PRKN: variants seen among roughly 807,000 people sequenced by gnomAD.
PRKN encodes parkin RBR E3 ubiquitin protein ligase, also known as E3 ubiquitin-protein ligase parkin.
Under a neutral mutation model 59.5 loss-of-function variants are expected in PRKN, and 56 were observed. The observed-to-expected ratio is 0.94, with a 90% CI of 0.76 to 1.18. PRKN has a LOEUF of 1.18. PRKN is among the 50% of genes most tolerant of loss of function. The pLI, the probability that PRKN is intolerant of heterozygous loss-of-function variation, is 0.00. For missense variants in PRKN, 657 were observed against 596.4 expected, an observed-to-expected ratio of 1.10 and a Z score of -1.06; for synonymous variants, 250 against 222.1, an observed-to-expected ratio of 1.13 and a Z score of -1.12.
chr6:161,998,078 T>C (rs1313438939), intron 5 of PRKN, among the ~76,000 whole-genome samples: 1 of 152,180 alleles, frequency 6.6e-6, no homozygotes, highest in Non-Finnish European at 1.5e-5. Flanking sequence ...ACATATATTA[T>C]ATGGTTATTA....
At chr6:162,241,721 T>C in intron 3 of PRKN, among the ~76,000 whole-genome samples, 1 of 152,292 alleles carries the variant, frequency 6.6e-6, no homozygotes, top group East Asian at 1.9e-4. Context: ...AATAGAAATG[T>C]ATTATGTCTG....
intron 6 of PRKN, among the ~76,000 whole-genome samples, chr6:161,817,580 T>G (rs1791842034): frequency 6.6e-6 from 1 of 152,346 alleles, no homozygotes; most frequent in African/African-American, 2.4e-5. Context: ...TAAAATGAAA[T>G]ATTGTAAACC....
At chr6:161,671,618 G>A (rs1248060355) in intron 7 of PRKN, among the ~76,000 whole-genome samples, 2 of 152,140 alleles carry the variant, frequency 1.3e-5, no homozygotes, top group Admixed American at 6.5e-5. Flanking sequence ...ACATGAACTG[G>A]CCGGCCAATA....
intron 2 of PRKN, chr6:162,266,446 G>C (rs933171287): frequency 3.9e-5 from 6 of 152,076 alleles, no homozygotes; most frequent in Admixed American, 2.6e-4. Context: ...GCCAGGAGAT[G>C]TAGAAACATA....
chr6:162,220,321 T>G (rs920368565), intron 3 of PRKN, among the ~76,000 whole-genome samples: 1 of 152,016 alleles, frequency 6.6e-6, no homozygotes, highest in Non-Finnish European at 1.5e-5. Flanking sequence ...AAGCAAAAAT[T>G]GACAAGAGGG....
At chr6:162,034,178 T>TAGAGAG (rs1355967293) in intron 5 of PRKN, among the ~76,000 whole-genome samples, 1 of 123,480 alleles carries the variant, frequency 8.1e-6, no homozygotes, top group African/African-American at 3.5e-5. Flanking sequence ...CATATATATA[T>TAGAGAG]ATATATATAG....
chr6:162,398,097 T>G (rs1481022776), intron 2 of PRKN, among the ~76,000 whole-genome samples: 1 of 148,914 alleles, frequency 6.7e-6, no homozygotes, highest in Non-Finnish European at 1.5e-5. Context: ...TAAACAAAAA[T>G]TCACTATGAA....
chr6:161,423,382 AG>A lies in PRKN; in HGVS notation c.1084-36506del, dbSNP rs1356504648. Among the ~76,000 whole-genome samples, 1 of 152,152 alleles carries A rather than the reference AG, an allele frequency of 6.6e-6. No homozygotes were observed. Reference sequence around the variant, plus strand: ...TGCAGCTTACATGTAAATAATTCGGAGGTGAGTACTGCGATGCAGTTACACG... The same window carrying A: ...TGCAGCTTACATGTAAATAATTCGGAGTGAGTACTGCGATGCAGTTACACG... On this transcript the variant is annotated intron_variant, in intron 9 of 11. Transcript: ENST00000366898. This position sits in a 1 kb window ranked among gnomAD's most constrained non-coding sequence, Gnocchi z 5.9.
At chr6:162,294,046 A>T (rs148503073) in intron 2 of PRKN, among the ~76,000 whole-genome samples, 27 of 152,278 alleles carry the variant, frequency 1.8e-4, no homozygotes, top group African/African-American at 6.5e-4. Context: ...ACAAGAAGCC[A>T]AAGTCAAGTC....
chr6:161,386,384 C>T lies in PRKN; in HGVS notation c.1167+410G>A, dbSNP rs571155944. ...CAATGATATCCTTACATAATGTCAT[C>T]TTTCTGTACATGCCACTCACAGAGG... On this transcript the variant is annotated intron_variant, in intron 10 of 11. Transcript: ENST00000366898. The surrounding 1 kb of genome is among the most constrained non-coding windows in gnomAD (Gnocchi z 4.3). Among the ~76,000 whole-genome samples the T allele has an allele frequency of 7.2e-5, 11 of 152,328 alleles. No homozygotes were observed. In the East Asian group the frequency reaches 1.9e-3, roughly 27 times the overall value.
intron 1 of PRKN, among the ~76,000 whole-genome samples, chr6:162,725,627 G>A (rs1307204966): frequency 2.0e-5 from 3 of 152,058 alleles, no homozygotes; most frequent in Non-Finnish European, 4.4e-5. Context: ...GGCAGGCATG[G>A]TGGCACACAC....
intron 3 of PRKN, among the ~76,000 whole-genome samples, chr6:162,226,437 C>G (rs544687129): frequency 1.3e-5 from 2 of 152,168 alleles, no homozygotes; most frequent in Non-Finnish European, 2.9e-5. Context: ...CCAGTCCTCA[C>G]GAGCAGAGCC....
intron 4 of PRKN, among the ~76,000 whole-genome samples, chr6:162,087,518 C>T (rs1171661679): frequency 1.3e-5 from 2 of 151,536 alleles, no homozygotes; most frequent in African/African-American, 4.9e-5. Flanking sequence ...CTGTGCTTCC[C>T]TATGAAAGGA....
At chr6:162,337,832 A>C (rs539018063) in intron 2 of PRKN, among the ~76,000 whole-genome samples, 2 of 152,332 alleles carry the variant, frequency 1.3e-5, no homozygotes, top group Admixed American at 1.3e-4. Flanking sequence ...ACTGATGTTA[A>C]ATGGAATGGG....
intron 1 of PRKN, among the ~76,000 whole-genome samples, chr6:162,502,632 T>G (rs1014332061): frequency 6.6e-6 from 1 of 152,178 alleles, no homozygotes; most frequent in Non-Finnish European, 1.5e-5. Flanking sequence ...AATATTTTCA[T>G]TTAAAATTAT....
rs570230046 is a variant in PRKN, at chr6:162,376,556, C to T, written c.171+66754G>A. 2.5e-3 allele frequency among the ~76,000 whole-genome samples: 374 copies of T among 151,248 alleles called. 7 individuals carry two copies. Among genetic ancestry groups the T allele is most frequent in the Non-Finnish European group, 4.5e-3 (306 of 67,852 alleles). On this transcript the variant is annotated intron_variant, in intron 2 of 11. Coordinates refer to ENST00000366898, the MANE Select transcript of PRKN (RefSeq NM_004562.3). ...AAGTCATCCCCTGAGAGAGAGGCAGCCTACAAATGAATACCTGGGGCCAGG... is the reference window on the plus strand; with the variant it reads ...AAGTCATCCCCTGAGAGAGAGGCAGTCTACAAATGAATACCTGGGGCCAGG...
chr6:162,371,564 T>C (rs10755587), intron 2 of PRKN, among the ~76,000 whole-genome samples: 38,208 of 152,042 alleles, frequency 0.25, 4,987 homozygotes, highest in African/African-American at 0.25. Flanking sequence ...AATAACATTA[T>C]CTACTCCACT....
intron 7 of PRKN, among the ~76,000 whole-genome samples, chr6:161,728,158 G>A (rs79752717): frequency 1.3e-5 from 2 of 151,794 alleles, no homozygotes; most frequent in East Asian, 3.9e-4. Flanking sequence ...TTGACAATTT[G>A]AAAAGATGTC....
chr6:162,578,280 T>C (rs1383128960), intron 1 of PRKN, among the ~76,000 whole-genome samples: 1 of 152,118 alleles, frequency 6.6e-6, no homozygotes, highest in African/African-American at 2.4e-5. Context: ...TCTGTTTTAA[T>C]TAAAAATATG....
Sources: allele counts gnomAD v4.1 joint callset (sites outside exome capture counted in the v4.1 genomes callset), GRCh38; gene constraint gnomAD v4.1.1; non-coding constraint Gnocchi (gnomAD v3.1); transcripts MANE v1.5; gene names NCBI Gene and HGNC (gene_info 2026-07-23, HGNC 2026-07-21).